THSD7B: variants seen among roughly 807,000 people sequenced by gnomAD.
THSD7B encodes the protein thrombospondin type-1 domain-containing protein 7B.
THSD7B carries 138 observed loss-of-function variants against 213.6 expected under a neutral mutation model. That is an observed-to-expected ratio of 0.65 (90% CI 0.56 to 0.74). The LOEUF is 0.74. Among genes scored for constraint, THSD7B ranks in the 30% least tolerant of loss-of-function variants. THSD7B has a pLI of 0.00. For synonymous variants in THSD7B, 742 were observed against 687.0 expected (o/e 1.08, Z -1.25); for missense variants, 1,931 against 1,991.5 (o/e 0.97, Z 0.58).
At chr2:137,560,339 A>G (rs915558402) in intron 15 of THSD7B, among the ~76,000 whole-genome samples, 5 of 151,986 alleles carry the variant, frequency 3.3e-5, no homozygotes, top group Admixed American at 3.3e-4. Flanking sequence ...AGACTGGGTT[A>G]AAAAAAATGT....
At chr2:137,482,075 G>A (rs1688322605) in intron 15 of THSD7B, among the ~76,000 whole-genome samples, 1 of 152,010 alleles carries the variant, frequency 6.6e-6, no homozygotes, top group Non-Finnish European at 1.5e-5. Context: ...CTACTTGGGA[G>A]GCTGAGGCAG....
At chr2:137,239,239 A>AT (rs148346083) in intron 9 of THSD7B, among the ~76,000 whole-genome samples, 269 of 152,332 alleles carry the variant, frequency 1.8e-3, no homozygotes, top group African/African-American at 6.2e-3. Context: ...AACATCTTAC[A>AT]TAACCATAGT....
chr2:137,438,898 G>A (rs1017071168), intron 14 of THSD7B, among the ~76,000 whole-genome samples: 1 of 152,008 alleles, frequency 6.6e-6, no homozygotes, highest in African/African-American at 2.4e-5. Context: ...TCCTCGGTTT[G>A]GGGTAGGCTG....
At chr2:137,010,797 A>G (rs1459491966) in intron 2 of THSD7B, among the ~76,000 whole-genome samples, 3 of 152,170 alleles carry the variant, frequency 2.0e-5, no homozygotes, top group Admixed American at 1.3e-4. Flanking sequence ...GCCCTCATGT[A>G]GCTTGCATTC....
chr2:137,505,104 T>C (rs534304228), intron 15 of THSD7B, among the ~76,000 whole-genome samples: 1 of 152,208 alleles, frequency 6.6e-6, no homozygotes, highest in South Asian at 2.1e-4. Context: ...AGGAAGGCCA[T>C]TGGAGGATCG....
chr2:137,234,527 A>C (rs767902301), intron 9 of THSD7B, among the ~76,000 whole-genome samples: 7 of 152,110 alleles, frequency 4.6e-5, no homozygotes, highest in Non-Finnish European at 8.8e-5. Flanking sequence ...AATACACATG[A>C]AGATGTGTAT....
chr2:137,335,704 G>A (rs191482253), intron 12 of THSD7B, among the ~76,000 whole-genome samples: 52 of 152,228 alleles, frequency 3.4e-4, no homozygotes, highest in African/African-American at 1.2e-3. Context: ...GCCCTTCGGC[G>A]CACTTTGAGT....
intron 12 of THSD7B, among the ~76,000 whole-genome samples, chr2:137,318,789 T>TTA (rs1553438865): frequency 4.7e-5 from 6 of 127,302 alleles, no homozygotes; most frequent in Non-Finnish European, 8.4e-5. Context: ...TGCTTATCTT[T>TTA]TTTTTTTTTT....
At chr2:137,157,771 A>G (rs1017807343) in intron 5 of THSD7B, among the ~76,000 whole-genome samples, 9 of 152,192 alleles carry the variant, frequency 5.9e-5, no homozygotes, top group African/African-American at 2.2e-4. Context: ...TAATAACAAC[A>G]TATATCTCAA....
chr2:137,456,823 C>T (rs943201982), intron 15 of THSD7B, among the ~76,000 whole-genome samples: 5 of 152,158 alleles, frequency 3.3e-5, no homozygotes, highest in African/African-American at 1.2e-4. Flanking sequence ...GAAGACAAAA[C>T]CCCTAAAACA....
At chr2:137,417,898 G>C (rs530617846) in intron 14 of THSD7B, among the ~76,000 whole-genome samples, 22 of 152,200 alleles carry the variant, frequency 1.4e-4, no homozygotes, top group Non-Finnish European at 2.9e-4. Flanking sequence ...AAACTTTTTA[G>C]TTATATGAAA....
chr2:137,068,567 G>T (rs1687421893), intron 3 of THSD7B, among the ~76,000 whole-genome samples: 1 of 151,946 alleles, frequency 6.6e-6, no homozygotes, highest in East Asian at 1.9e-4. Flanking sequence ...TTGCTAAAAG[G>T]CTCAAATTAA....
chr2:137,333,520 C>T (rs557699792), intron 12 of THSD7B, among the ~76,000 whole-genome samples: 1 of 152,308 alleles, frequency 6.6e-6, no homozygotes, highest in Admixed American at 6.5e-5. Flanking sequence ...GTTTCTAGAA[C>T]ACTCATTGCT....
Position 137,644,257 on chromosome 2 carries a change from G to C in THSD7B, c.3945+1624G>C, listed in dbSNP as rs1049588953. On this transcript the variant is annotated intron_variant, in intron 21 of 27. Transcript: ENST00000409968. The stretch of plus-strand genomic sequence containing the variant: ...CACTTCTAGTTGGGAAGAAACTCTG[G>C]AGCTAGACTTAATCTATGCAAAAGC... Among the ~76,000 whole-genome samples, 3 of 152,142 alleles carry C rather than the reference G, an allele frequency of 2.0e-5. No individual in the cohort carries two copies. In the East Asian group the frequency reaches 5.8e-4, roughly 29 times the overall value.
At position 137,089,272 on chromosome 2, in the gene THSD7B, G is replaced by GTA. The variant is rs1558916459; in HGVS notation, c.951-5600_951-5599insAT. Among the ~76,000 whole-genome samples, 320 of 138,988 alleles carry GTA rather than the reference G, an allele frequency of 2.3e-3. 3 individuals are homozygous for GTA. The highest frequency in any genetic ancestry group is 9.2e-3 in the African/African-American group (302 of 32,866). The allele number at this position is 138,988 out of a possible 152,430, so 91.2% of individuals were successfully genotyped here. A position where few individuals can be genotyped will look rare whatever the true frequency, so the allele number is the denominator to read the frequency against. On this transcript the variant is annotated intron_variant, in intron 3 of 27. Coordinates refer to ENST00000409968, the MANE Select transcript of THSD7B (RefSeq NM_001316349.2). ...TGTGTGTGTGTGTGTGTGTGTGTGT[G>GTA]TGTATATGTATATATACATATATAT...
At chr2:137,200,759 A>C (rs1284592168) in intron 7 of THSD7B, among the ~76,000 whole-genome samples, 2 of 151,956 alleles carry the variant, frequency 1.3e-5, no homozygotes, top group African/African-American at 4.8e-5. Context: ...GGCTCCAGTG[A>C]CCCTGGCTTC....
intron 13 of THSD7B, among the ~76,000 whole-genome samples, chr2:137,406,128 A>G (rs550885138): frequency 2.6e-5 from 4 of 152,350 alleles, no homozygotes; most frequent in Admixed American, 6.5e-5. Context: ...GTCATGTGCT[A>G]TCATGCCAGG....
intron 2 of THSD7B, among the ~76,000 whole-genome samples, chr2:136,898,377 T>C (rs1330399990): frequency 1.3e-5 from 2 of 152,198 alleles, no homozygotes; most frequent in African/African-American, 4.8e-5. Context: ...TTTAAAAATA[T>C]AGACTGAGTG....
chr2:137,138,311 A>G (rs567011147), intron 5 of THSD7B, among the ~76,000 whole-genome samples: 1 of 152,330 alleles, frequency 6.6e-6, no homozygotes, highest in Admixed American at 6.5e-5. Context: ...TGATCAAAAA[A>G]TCCAAATAGA....
Sources: allele counts gnomAD v4.1 joint callset (sites outside exome capture counted in the v4.1 genomes callset), GRCh38; gene constraint gnomAD v4.1.1; transcripts MANE v1.5; gene names NCBI Gene and HGNC (gene_info 2026-07-23, HGNC 2026-07-21).